UHMK1: variants seen among roughly 807,000 people sequenced by gnomAD.
UHMK1 encodes U2AF homology motif kinase 1.
Under a neutral mutation model 44.0 loss-of-function variants are expected in UHMK1, and 18 were observed. That is an observed-to-expected ratio of 0.41 (90% CI 0.28 to 0.61). UHMK1 has a LOEUF of 0.61. UHMK1 is among the 20% of genes least tolerant of loss of function. The probability of loss-of-function intolerance (pLI) is 0.31; values close to 1 mark genes in which losing one functional copy is unlikely to be tolerated. For missense variants in UHMK1, 463 were observed against 522.5 expected, an observed-to-expected ratio of 0.89 and a Z score of 1.11; for synonymous variants, 231 against 198.5, an observed-to-expected ratio of 1.16 and a Z score of -1.38.
upstream of UHMK1, chr1:162,497,361 C>T (rs1467318368): frequency 5.9e-6 from 4 of 683,114 alleles, no homozygotes; most frequent in South Asian, 1.6e-5. Flanking sequence ...AGTGCCCTGG[C>T]CTGGGAGAAA....
chr1:162,503,763 TC>T lies in UHMK1; in HGVS notation c.764del (p.Ser255LeufsTer14). 1.2e-6 allele frequency: 2 copies of T among 1,614,034 alleles called. No individual in the cohort carries two copies. Among genetic ancestry groups the T allele is most frequent in the Non-Finnish European group, 1.7e-6 (2 of 1,179,958 alleles). ...VRSQEWKANS[S>X]AIIDHIFASK... is the part of the protein sequence containing the mutation. ...TTCTCCGTTTTTTAAGGCAAACAGT[TC>T]TGCTATTATTGATCACATATTTGCC... On this transcript the variant is annotated frameshift_variant, in exon 4 of 8. Coordinates refer to ENST00000489294, the MANE Select transcript of UHMK1 (RefSeq NM_175866.5). LOFTEE classifies it high-confidence loss of function.
intron 4 of UHMK1, among the ~76,000 whole-genome samples, chr1:162,511,752 A>G (rs1486577275): frequency 6.6e-6 from 1 of 152,052 alleles, no homozygotes; most frequent in African/African-American, 2.4e-5. Context: ...ATCCATTTTG[A>G]GTTGATTTTT....
At chr1:162,501,949 T>C (rs953803018) in intron 3 of UHMK1, among the ~76,000 whole-genome samples, 62 of 149,136 alleles carry the variant, frequency 4.2e-4, no homozygotes, top group African/African-American at 1.4e-3. Context: ...AAAAAAATTA[T>C]AAAAGGTATT....
intron 4 of UHMK1, among the ~76,000 whole-genome samples, chr1:162,510,583 T>C (rs1651630317): frequency 6.6e-6 from 1 of 152,100 alleles, no homozygotes; most frequent in African/African-American, 2.4e-5. Context: ...TGAATAGTAT[T>C]CCATTGTGTA....
In UHMK1 at chr1:162,497,964, G is replaced by A. The variant is rs752221261; in HGVS notation, c.-37G>A. On this transcript the variant is annotated 5_prime_UTR_variant, in exon 1 of 8. Transcript: ENST00000489294. ...GCCCGGCCGGCCTGCCTCAGGCGTC[G>A]CGTCAGCTCCCGTGTCCGTGCCCTT... 2.1e-6 allele frequency: 3 copies of A among 1,454,436 alleles called. No individual in the cohort carries two copies. The highest frequency in any genetic ancestry group is 2.7e-5 in the East Asian group (1 of 37,556). 90.1% of individuals were successfully genotyped at this position (1,454,436 alleles called of 1,614,324 possible). A position where few individuals can be genotyped will look rare whatever the true frequency, so the allele number is the denominator to read the frequency against.
Position 162,522,759 on chromosome 1 carries a change from G to A in UHMK1, c.*209G>A, listed in dbSNP as rs1011937820. 6.5e-6 allele frequency: 3 copies of A among 462,912 alleles called. No individual in the cohort carries two copies. The highest frequency in any genetic ancestry group is 1.1e-5 in the Non-Finnish European group (3 of 271,314). 28.7% of individuals were successfully genotyped at this position (462,912 alleles called of 1,614,324 possible). A position where few individuals can be genotyped will look rare whatever the true frequency, so the allele number is the denominator to read the frequency against. On this transcript the variant is annotated 3_prime_UTR_variant, in exon 8 of 8. Coordinates refer to ENST00000489294, the MANE Select transcript of UHMK1 (RefSeq NM_175866.5). ...AGACCTCTCAGCTATACATTGAGGG[G>A]TTTTAGAGCATCCATGTGGGCAACC...
chr1:162,522,353 C>G, intron 7 of UHMK1, 51 bp from the exon 8 acceptor site: 1 of 1,600,712 alleles, frequency 6.2e-7, no homozygotes, highest in Non-Finnish European at 8.5e-7. Flanking sequence ...AAGCACTGGT[C>G]TAAAACAATC....
intron 7 of UHMK1, among the ~76,000 whole-genome samples, chr1:162,519,005 A>G (rs1375217716): frequency 1.4e-5 from 2 of 146,452 alleles, no homozygotes; most frequent in African/African-American, 5.0e-5. Flanking sequence ...AAAAAAAACT[A>G]CTTTTGAGCC....
At position 162,522,406 on chromosome 1, in the gene UHMK1, C is replaced by G; in HGVS notation, c.1116C>G (p.Val372=). The part of the protein sequence containing the change: ...VPKENPGRGQ[V]FVEYANAGDS... Reference sequence around the variant, plus strand: ...TTTTTTTCTCTGTCTTCTTTCAGGTCTTTGTTGAGTATGCAAATGCTGGTG... The same window carrying G: ...TTTTTTTCTCTGTCTTCTTTCAGGTGTTTGTTGAGTATGCAAATGCTGGTG... The change falls in exon 8 of 8, where the codon GTC becomes GTG. Residue 372 remains valine, a splice_region_variant and synonymous_variant. Coordinates refer to ENST00000489294, the MANE Select transcript of UHMK1 (RefSeq NM_175866.5). The G allele has an allele frequency of 6.2e-7, 1 of 1,613,932 alleles. No individual in the cohort carries two copies. Among genetic ancestry groups the G allele is most frequent in the Non-Finnish European group, 8.5e-7 (1 of 1,179,954 alleles).
rs1652281339 is a variant in UHMK1 at position 162,527,223 on chromosome 1, A to G, written c.*4673A>G. On this transcript the variant is annotated 3_prime_UTR_variant, in exon 8 of 8. Coordinates refer to ENST00000489294, the MANE Select transcript of UHMK1 (RefSeq NM_175866.5). ...TACTATAGGATATGTCATGTTCGTT[A>G]TTGTAGCCACCTCCCTCAGATGTTT... 6.6e-6 allele frequency: 1 copy of G among 152,072 alleles called. No individual in the cohort carries two copies. The highest frequency in any genetic ancestry group is 2.4e-5 in the African/African-American group (1 of 41,448). 9.4% of individuals were successfully genotyped at this position (152,072 alleles called of 1,614,324 possible). A position where few individuals can be genotyped will look rare whatever the true frequency, so the allele number is the denominator to read the frequency against.
chr1:162,524,566 G>C lies in UHMK1; in HGVS notation c.*2016G>C, dbSNP rs1652178118. 6.6e-6 allele frequency: 1 copy of C among 152,152 alleles called. No individual in the cohort carries two copies. Among genetic ancestry groups the C allele is most frequent in the African/African-American group, 2.4e-5 (1 of 41,426 alleles). 9.4% of individuals were successfully genotyped at this position (152,152 alleles called of 1,614,324 possible). A position where few individuals can be genotyped will look rare whatever the true frequency, so the allele number is the denominator to read the frequency against. On this transcript the variant is annotated 3_prime_UTR_variant, in exon 8 of 8. Coordinates refer to ENST00000489294, the MANE Select transcript of UHMK1 (RefSeq NM_175866.5). ...GAAACATCAGGTCCTTAAATACGAT[G>C]AACATGGGATACAAAGGAATTCTTT...
intron 2 of UHMK1, chr1:162,500,568 G>A (rs1314117912): frequency 2.5e-6 from 1 of 407,884 alleles, no homozygotes; most frequent in Non-Finnish European, 4.4e-6. Flanking sequence ...TCTCTTCAGT[G>A]TTGGGGCTGT....
rs1557939333 is a variant in UHMK1 at position 162,500,937 on chromosome 1, G to A, written c.586G>A (p.Gly196Arg). 1.2e-6 allele frequency: 2 copies of A among 1,613,920 alleles called. No individual in the cohort carries two copies. The highest frequency in any genetic ancestry group is 2.2e-5 in the East Asian group (1 of 44,872). ...GGATGTAAAGTATATTCAGACAGACGGGTATCGGGCTCCAGAAGCAGAATT... is the reference window on the plus strand; with the variant it reads ...GGATGTAAAGTATATTCAGACAGACAGGTATCGGGCTCCAGAAGCAGAATT... ...NQDVKYIQTD[G>R]YRAPEAELQN... Residue 196 changes from glycine (G) to arginine (R), a missense_variant, in exon 3 of 8, where the codon GGG becomes AGG. Physicochemically the swap from Gly to Arg is moderately radical, Grantham distance 125. This residue lies in a region of UHMK1 where 264 missense variants were observed against 326.3 expected (regional missense o/e 0.81). Coordinates refer to ENST00000489294, the MANE Select transcript of UHMK1 (RefSeq NM_175866.5).
intron 4 of UHMK1, among the ~76,000 whole-genome samples, 183 bp from the exon 5 acceptor site, chr1:162,512,317 T>C (rs895909786): frequency 7.2e-5 from 11 of 152,060 alleles, no homozygotes; most frequent in African/African-American, 2.7e-4. Context: ...GTCATAGGTA[T>C]GTATCATGAA....
In UHMK1 at chr1:162,498,243, A is replaced by G. The variant is rs758386538; in HGVS notation, c.243A>G (p.Glu81=). The part of the protein sequence containing the change: ...YGFRKERAAL[E]QLQGHRNIVT... ...TCCGCAAAGAGAGGGCGGCGCTGGA[A>G]CAGTTGCAGGGTCACAGAAACATCG... Residue 81 remains glutamate, a synonymous_variant, in exon 1 of 8, where the codon GAA becomes GAG. Transcript: ENST00000489294. 1 of 1,606,120 alleles carries G rather than the reference A, an allele frequency of 6.2e-7. No homozygotes were observed. The highest frequency in any genetic ancestry group is 1.1e-5 in the South Asian group (1 of 89,704).
intron 4 of UHMK1, among the ~76,000 whole-genome samples, chr1:162,511,728 C>A (rs1557943950): frequency 6.6e-6 from 1 of 152,090 alleles, no homozygotes; most frequent in Admixed American, 6.6e-5. Context: ...TTGGGTCTTA[C>A]ATTTAAATTG....
chr1:162,512,099 T>C (rs1480205450), intron 4 of UHMK1, among the ~76,000 whole-genome samples: 4 of 151,498 alleles, frequency 2.6e-5, no homozygotes, highest in African/African-American at 7.3e-5. Flanking sequence ...GTTATAGATA[T>C]TGTCCATGGG....
intron 4 of UHMK1, among the ~76,000 whole-genome samples, chr1:162,507,487 G>A (rs921551478): frequency 6.6e-6 from 1 of 151,650 alleles, no homozygotes; most frequent in Non-Finnish European, 1.5e-5. Context: ...CCCACCATGT[G>A]CCAGGCTGGT....
At chr1:162,508,085 C>T (rs923747228) in intron 4 of UHMK1, among the ~76,000 whole-genome samples, 1 of 151,552 alleles carries the variant, frequency 6.6e-6, no homozygotes, top group Non-Finnish European at 1.5e-5. Flanking sequence ...CATCTTATAT[C>T]GTTTTTTAAA....
Sources: allele counts gnomAD v4.1 joint callset (sites outside exome capture counted in the v4.1 genomes callset), GRCh38; gene constraint gnomAD v4.1.1; regional missense constraint gnomAD v4.1.1; transcripts MANE v1.5; gene names NCBI Gene and HGNC (gene_info 2026-07-23, HGNC 2026-07-21).